Variants in PDE10A observed in about 807,000 individuals in gnomAD.
PDE10A encodes phosphodiesterase 10A.
PDE10A carries 39 observed loss-of-function variants against 97.7 expected under a neutral mutation model. The ratio of observed to expected loss-of-function variants is 0.40; its 90% CI spans 0.31 to 0.52. PDE10A has a LOEUF of 0.52. Among genes scored for constraint, PDE10A ranks in the 20% least tolerant of loss-of-function variants. The probability of loss-of-function intolerance (pLI) is 0.56; values close to 1 mark genes in which losing one functional copy is unlikely to be tolerated. For synonymous variants in PDE10A, 371 were observed against 376.8 expected (o/e 0.98, Z 0.18); for missense variants, 731 against 1,047.8 (o/e 0.70, Z 4.17).
intron 18 of PDE10A, among the ~76,000 whole-genome samples, chr6:165,376,314 C>A (rs141220391): frequency 6.6e-6 from 1 of 152,276 alleles, no homozygotes; most frequent in Admixed American, 6.5e-5. Context: ...ATGACTGATG[C>A]AATCATGATC....
chr6:165,895,471 C>T (rs1464530640), intron 1 of PDE10A, among the ~76,000 whole-genome samples: 1 of 152,180 alleles, frequency 6.6e-6, no homozygotes, highest in Non-Finnish European at 1.5e-5. Context: ...CCTGCCCACA[C>T]CTCAATCTCA....
intron 1 of PDE10A, among the ~76,000 whole-genome samples, chr6:165,868,654 C>G (rs1179167924): frequency 6.6e-6 from 1 of 152,066 alleles, no homozygotes; most frequent in African/African-American, 2.4e-5. Flanking sequence ...CTTCCTAAAT[C>G]ATTCCATGAA....
intron 1 of PDE10A, among the ~76,000 whole-genome samples, chr6:165,858,829 T>G (rs1780820572): frequency 6.6e-6 from 1 of 152,196 alleles, no homozygotes. Flanking sequence ...GCTGAGCTCA[T>G]CTGCAGTGTT....
chr6:165,509,489 G>C (rs1236875037), intron 2 of PDE10A, among the ~76,000 whole-genome samples: 1 of 151,808 alleles, frequency 6.6e-6, no homozygotes, highest in Non-Finnish European at 1.5e-5. Flanking sequence ...CAATCGCCTT[G>C]CAATATAATA....
intron 5 of PDE10A, among the ~76,000 whole-genome samples, chr6:165,445,712 T>C (rs1209195015): frequency 6.6e-6 from 1 of 152,224 alleles, no homozygotes; most frequent in African/African-American, 2.4e-5. Flanking sequence ...TACTACTTTA[T>C]AGCCTGAAAA....
intron 5 of PDE10A, among the ~76,000 whole-genome samples, chr6:165,444,879 T>C (rs1412489863): frequency 6.6e-6 from 1 of 152,182 alleles, no homozygotes; most frequent in African/African-American, 2.4e-5. Flanking sequence ...TTAATAAGTA[T>C]AAAAACTGTA....
rs566062390 is a variant in PDE10A at position 165,623,498 on chromosome 6, G to C, written c.865+38449C>G. On this transcript the variant is annotated intron_variant, in intron 1 of 21. Transcript: ENST00000539869. The stretch of plus-strand genomic sequence containing the variant: ...GACATAGGAATTGATGACAGAGGGA[G>C]AGAGAGAGAGAAAAAAAACAGATAA... Among the ~76,000 whole-genome samples the C allele has an allele frequency of 2.5e-5, 3 of 121,774 alleles. No individual in the cohort carries two copies. The South Asian group carries it at 7.4e-4, about 30-fold the overall frequency. The allele number at this position is 121,774 out of a possible 152,430, so 79.9% of individuals were successfully genotyped here. A position where few individuals can be genotyped will look rare whatever the true frequency, so the allele number is the denominator to read the frequency against.
rs566682448 is a variant in PDE10A at position 165,507,607 on chromosome 6, C to A, written c.995-25264G>T. 3.9e-5 allele frequency among the ~76,000 whole-genome samples: 6 copies of A among 152,184 alleles called. No individual in the cohort carries two copies. The South Asian group carries it at 1.0e-3, about 26-fold the overall frequency. On this transcript the variant is annotated intron_variant, in intron 2 of 21. Transcript: ENST00000539869. ...GCCAGATTTGTCCAGATCCCTATTACTAACTTGAATGGCTCAAAAATCACA... is the reference window on the plus strand; with the variant it reads ...GCCAGATTTGTCCAGATCCCTATTAATAACTTGAATGGCTCAAAAATCACA...
intron 1 of PDE10A, among the ~76,000 whole-genome samples, chr6:165,593,208 G>A (rs1164049782): frequency 2.6e-5 from 4 of 152,066 alleles, no homozygotes; most frequent in Non-Finnish European, 2.9e-5. Context: ...AACAGAAAAC[G>A]AAACACTGCA....
At chr6:165,494,433 G>A in intron 2 of PDE10A, among the ~76,000 whole-genome samples, 1 of 142,588 alleles carries the variant, frequency 7.0e-6, no homozygotes, top group Middle Eastern at 3.6e-3. Context: ...GTCCATCAAT[G>A]AATGAGTGGA....
At chr6:165,371,977 C>G (rs981444713) in intron 18 of PDE10A, among the ~76,000 whole-genome samples, 1 of 150,626 alleles carries the variant, frequency 6.6e-6, no homozygotes, top group Non-Finnish European at 1.5e-5. Flanking sequence ...AGACAAAAAC[C>G]ACATGATTAT....
chr6:165,816,151 G>A lies in PDE10A; in HGVS notation c.-615+171378C>T, dbSNP rs183623928. On this transcript the variant is annotated intron_variant, in intron 1 of 19. Coordinates refer to the PDE10A transcript ENST00000366882. ...TTTTTAGTGGAGACGGGGTTTCACC[G>A]TGTTAGCCAGGATGCTCTCAATCTC... Among the ~76,000 whole-genome samples, 44 of 152,102 alleles carry A rather than the reference G, an allele frequency of 2.9e-4. 3 individuals carry two copies. The highest frequency in any genetic ancestry group is 8.4e-4 in the African/African-American group (35 of 41,518).
intron 1 of PDE10A, among the ~76,000 whole-genome samples, chr6:165,624,861 G>A (rs1473061759): frequency 6.6e-6 from 1 of 152,258 alleles, no homozygotes; most frequent in Non-Finnish European, 1.5e-5. Flanking sequence ...CAGAGCAGGT[G>A]TCACAGGCAG....
chr6:165,337,065 T>C (rs1322955451), intron 20 of PDE10A, among the ~76,000 whole-genome samples: 1 of 152,130 alleles, frequency 6.6e-6, no homozygotes, highest in Non-Finnish European at 1.5e-5. Context: ...AAAATAAATG[T>C]CATTGGTTTT....
At chr6:165,675,802 T>G (rs1176162728) in intron 1 of PDE10A, among the ~76,000 whole-genome samples, 1 of 152,224 alleles carries the variant, frequency 6.6e-6, no homozygotes, top group East Asian at 1.9e-4. Flanking sequence ...CTCCTGCTCC[T>G]ATGAAACATA....
chr6:165,902,985 G>T (rs75941856), intron 1 of PDE10A, among the ~76,000 whole-genome samples: 1 of 152,142 alleles, frequency 6.6e-6, no homozygotes, highest in Non-Finnish European at 1.5e-5. Context: ...TACAGCAGCC[G>T]GCATTACTGT....
intron 5 of PDE10A, among the ~76,000 whole-genome samples, chr6:165,440,196 A>T (rs760731521): frequency 6.6e-6 from 1 of 152,234 alleles, no homozygotes; most frequent in Non-Finnish European, 1.5e-5. Flanking sequence ...TGATATATGG[A>T]TGACTAACTT....
At chr6:165,626,722 C>T (rs1474427397) in intron 1 of PDE10A, among the ~76,000 whole-genome samples, 4 of 151,710 alleles carry the variant, frequency 2.6e-5, no homozygotes, top group African/African-American at 7.3e-5. Flanking sequence ...ACTTTCACTC[C>T]TACCCACAGT....
At chr6:165,802,888 T>C (rs888541920) in intron 1 of PDE10A, among the ~76,000 whole-genome samples, 1 of 152,252 alleles carries the variant, frequency 6.6e-6, no homozygotes, top group Non-Finnish European at 1.5e-5. Flanking sequence ...AGTGCCTTGC[T>C]GTAGCACTGT....
Sources: gnomAD v4.1 joint callset for allele counts (sites outside exome capture counted in the v4.1 genomes callset) on GRCh38, gnomAD v4.1.1 for gene constraint, MANE v1.5 for transcripts, NCBI Gene and HGNC (gene_info 2026-07-23, HGNC 2026-07-21) for gene names.